Variants in FRMD3 observed in about 807,000 individuals in gnomAD.
FRMD3 encodes FERM domain-containing protein 3.
A neutral mutation model predicts 70.2 loss-of-function variants in FRMD3; 33 were observed. The observed-to-expected ratio is 0.47, with a 90% confidence interval of 0.36 to 0.63. The LOEUF (loss-of-function observed/expected upper bound fraction) is 0.63. FRMD3 is among the 20% of genes least tolerant of loss of function. FRMD3 has a pLI of 0.00. For missense variants in FRMD3, 632 were observed against 711.4 expected (o/e 0.89, Z 1.27); for synonymous variants, 279 against 255.9 (o/e 1.09, Z -0.86).
At chr9:83,274,834 C>G (rs1176302653) in intron 13 of FRMD3, among the ~76,000 whole-genome samples, 1 of 152,156 alleles carries the variant, frequency 6.6e-6, no homozygotes, top group African/African-American at 2.4e-5. Context: ...AAAGATGTTG[C>G]AATGTTCCAA....
chr9:83,569,040 A>G, the FRMD3 span, among the ~76,000 whole-genome samples: 2 of 152,188 alleles, frequency 1.3e-5, no homozygotes, highest in African/African-American at 4.8e-5. Flanking sequence ...TCAATAGCCA[A>G]TATGAGTAAG....
chr9:83,319,731 C>A (rs1835720837), intron 6 of FRMD3, among the ~76,000 whole-genome samples: 1 of 152,136 alleles, frequency 6.6e-6, no homozygotes, highest in Admixed American at 6.5e-5. Context: ...TTGCTGTTCT[C>A]TTGATAGTGA....
intron 1 of FRMD3, among the ~76,000 whole-genome samples, chr9:83,416,745 G>GTCTCTCTGTCTCTCTC (rs1554702036): frequency 1.9e-4 from 19 of 102,288 alleles, no homozygotes; most frequent in Admixed American, 7.0e-4. Flanking sequence ...ATTTCTCTCT[G>GTCTCTCTGTCTCTCTC]TCTCTCTCTC....
chr9:83,362,876 TTCCC>T (rs1291385618), intron 3 of FRMD3, among the ~76,000 whole-genome samples: 3 of 131,646 alleles, frequency 2.3e-5, no homozygotes, highest in African/African-American at 8.2e-5. Flanking sequence ...CCCTCCTTCC[TTCCC>T]TCCCTCCTTC....
At chr9:83,453,761 G>A (rs1827736310) in intron 1 of FRMD3, among the ~76,000 whole-genome samples, 2 of 141,730 alleles carry the variant, frequency 1.4e-5, no homozygotes, top group South Asian at 4.4e-4. Context: ...TGTCACACAG[G>A]CTAGAGTGCA....
At position 83,502,866 on chromosome 9, in the gene FRMD3, C is replaced by T. The variant is rs564528794; in HGVS notation, c.147+35219G>A. 2.6e-5 allele frequency among the ~76,000 whole-genome samples: 4 copies of T among 152,264 alleles called. No homozygotes were observed. In the South Asian group the frequency reaches 8.3e-4, roughly 32 times the overall value. On this transcript the variant is annotated intron_variant, in intron 1 of 13. Transcript: ENST00000304195. The stretch of plus-strand genomic sequence containing the variant: ...TAAACACTGATTTCTGATGGTTATG[C>T]TGGGTTCCAGTGCACCATGTGGCTT...
chr9:83,292,278 C>G (rs538400989), intron 12 of FRMD3, among the ~76,000 whole-genome samples: 1 of 151,790 alleles, frequency 6.6e-6, no homozygotes, highest in East Asian at 2.0e-4. Flanking sequence ...CCTGCCTCAG[C>G]CTCGCGAGTA....
At chr9:83,522,565 A>AT (rs1221978252) in intron 1 of FRMD3, among the ~76,000 whole-genome samples, 352 of 92,714 alleles carry the variant, frequency 3.8e-3, no homozygotes, top group South Asian at 0.028. Context: ...ATATATATAT[A>AT]ATTTTTTTTT....
At chr9:83,266,216 T>C (rs946927394) in intron 13 of FRMD3, among the ~76,000 whole-genome samples, 2 of 152,338 alleles carry the variant, frequency 1.3e-5, no homozygotes, top group African/African-American at 4.8e-5. Flanking sequence ...CATCTATATA[T>C]TTGTTCTTTT....
intron 1 of FRMD3, among the ~76,000 whole-genome samples, chr9:83,501,719 A>C (rs1029837767): frequency 6.6e-6 from 1 of 152,186 alleles, no homozygotes; most frequent in Non-Finnish European, 1.5e-5. Context: ...GGTATGTAAC[A>C]AGCGGCAAGG....
intron 13 of FRMD3, among the ~76,000 whole-genome samples, chr9:83,251,849 CT>C (rs1245403456): frequency 6.6e-6 from 1 of 152,196 alleles, no homozygotes; most frequent in Non-Finnish European, 1.5e-5. Context: ...AACAAAACCT[CT>C]GAGAAATATG....
intron 1 of FRMD3, among the ~76,000 whole-genome samples, chr9:83,425,113 T>G (rs10217752): frequency 0.15 from 22,600 of 152,216 alleles, 2,370 homozygotes; most frequent in African/African-American, 0.29. Flanking sequence ...AAGATTAATC[T>G]TATCATTAAG....
intron 1 of FRMD3, among the ~76,000 whole-genome samples, chr9:83,488,972 T>TTGTGTGTG (rs4014025): frequency 0.12 from 15,736 of 135,214 alleles, 1,072 homozygotes; most frequent in Middle Eastern, 0.22. Context: ...CCCTATACCT[T>TTGTGTGTG]TGTGTGTGTG....
intron 2 of FRMD3, among the ~76,000 whole-genome samples, chr9:83,386,086 A>T (rs1825503539): frequency 6.6e-6 from 1 of 152,188 alleles, no homozygotes; most frequent in Non-Finnish European, 1.5e-5. Flanking sequence ...TTTCATTCTC[A>T]TATCAACCCT....
chr9:83,436,242 A>C (rs79176567), intron 1 of FRMD3, among the ~76,000 whole-genome samples: 1,818 of 152,266 alleles, frequency 0.012, 48 homozygotes, highest in African/African-American at 0.042. Flanking sequence ...TGTCCGTGGA[A>C]ATCCATTAAA....
chr9:83,286,471 A>G (rs1834216034), intron 13 of FRMD3, among the ~76,000 whole-genome samples: 2 of 152,170 alleles, frequency 1.3e-5, no homozygotes, highest in Admixed American at 6.5e-5. Flanking sequence ...AGCTGAGATT[A>G]CAGGCATATG....
chr9:83,335,777 G>T, intron 5 of FRMD3, 138 bp from the exon 6 acceptor site: 1 of 657,912 alleles, frequency 1.5e-6, no homozygotes, highest in Non-Finnish European at 2.5e-6. Flanking sequence ...TGTACCCAGA[G>T]AAAGCCTGAG....
chr9:83,294,491 G>T (rs189059258), intron 12 of FRMD3, among the ~76,000 whole-genome samples: 198 of 152,236 alleles, frequency 1.3e-3, no homozygotes, highest in Admixed American at 2.7e-3. Context: ...GCAAGAGCCC[G>T]CCAGCCCAAT....
intron 13 of FRMD3, among the ~76,000 whole-genome samples, chr9:83,283,269 G>A (rs938784272): frequency 2.1e-4 from 32 of 152,146 alleles, no homozygotes; most frequent in East Asian, 1.4e-3. Flanking sequence ...GGTGGTTCAC[G>A]CCTGTAATCC....
Sources: allele counts gnomAD v4.1 joint callset (sites outside exome capture counted in the v4.1 genomes callset), GRCh38; gene constraint gnomAD v4.1.1; transcripts MANE v1.5; gene names NCBI Gene and HGNC (gene_info 2026-07-23, HGNC 2026-07-21).